The following ASNS variants were observed in gnomAD, a reference collection of about 807,000 sequenced individuals.
The protein encoded by ASNS is asparagine synthetase (glutamine-hydrolyzing).
Under a neutral mutation model 62.6 loss-of-function variants are expected in ASNS, and 37 were observed. The observed-to-expected ratio is 0.59, with a 90% CI of 0.45 to 0.78. The LOEUF is 0.78. Among genes scored for constraint, ASNS ranks in the 30% least tolerant of loss-of-function variants. The pLI, the probability that ASNS is intolerant of heterozygous loss-of-function variation, is 0.00. For missense variants in ASNS, 520 were observed against 682.4 expected, an observed-to-expected ratio of 0.76 and a Z score of 2.65; for synonymous variants, 207 against 237.9, an observed-to-expected ratio of 0.87 and a Z score of 1.19.
chr7:97,856,861 C>A lies in ASNS; in HGVS notation c.904-45G>T. 2.0e-6 allele frequency: 3 copies of A among 1,525,808 alleles called. No individual in the cohort carries two copies. In the South Asian group the frequency reaches 3.6e-5, roughly 18 times the overall value. The allele number at this position is 1,525,808 out of a possible 1,614,324, so 94.5% of individuals were successfully genotyped here. A position where few individuals can be genotyped will look rare whatever the true frequency, so the allele number is the denominator to read the frequency against. On this transcript the variant is annotated intron_variant, in intron 7 of 12. Transcript: ENST00000394308. ...CCCATTTACTTGTTAAAGAAAATAA[C>A]TTCCCTTGAAAATCAAACATGATGG...
the ASNS span, among the ~76,000 whole-genome samples, chr7:97,926,740 C>T: frequency 7.2e-5 from 11 of 152,192 alleles, no homozygotes. Flanking sequence ...CTGTTCAGTT[C>T]CTCCATCATC....
At chr7:97,870,130 A>G (rs1038059037) in intron 1 of ASNS, 5 of 539,200 alleles carry the variant, frequency 9.3e-6, no homozygotes, top group African/African-American at 5.9e-5. Context: ...GGGCTGTTTT[A>G]TTTGGCTGCT....
intron 4 of ASNS, among the ~76,000 whole-genome samples, chr7:97,861,786 AAATCATGATC>A (rs1791732296): frequency 1.3e-5 from 2 of 152,346 alleles, no homozygotes; most frequent in African/African-American, 4.8e-5. Flanking sequence ...TTAAGCCTTC[AAATCATGATC>A]ATGGGATACT....
At chr7:97,894,281 A>G in the ASNS span, among the ~76,000 whole-genome samples, 6 of 152,080 alleles carry the variant, frequency 3.9e-5, no homozygotes, top group South Asian at 1.2e-3. Context: ...AAGATTTCAA[A>G]TAAACGACCT....
the ASNS span, among the ~76,000 whole-genome samples, chr7:97,906,199 G>A: frequency 1.8e-4 from 27 of 151,876 alleles, no homozygotes; most frequent in Non-Finnish European, 3.1e-4. Context: ...CAATTTTCTC[G>A]GCTAGAATAA....
the ASNS span, chr7:97,898,402 C>T: frequency 2.3e-5 from 12 of 517,040 alleles, no homozygotes; most frequent in Non-Finnish European, 3.6e-5. Context: ...GCATGTGTCT[C>T]GTCCCTAGTG....
At chr7:97,907,889 A>T in the ASNS span, among the ~76,000 whole-genome samples, 1 of 152,224 alleles carries the variant, frequency 6.6e-6, no homozygotes, top group African/African-American at 2.4e-5. Context: ...AATAGGCAAA[A>T]GACACTATCA....
At chr7:97,872,850 C>A (rs1162693323), upstream of ASNS, among the ~76,000 whole-genome samples, 1 of 152,200 alleles carries the variant, frequency 6.6e-6, no homozygotes, top group Non-Finnish European at 1.5e-5. Context: ...CCTGTAATCC[C>A]AACACTTTGG....
chr7:97,853,121 T>C lies in ASNS; in HGVS notation c.1415A>G (p.Asp472Gly), dbSNP rs1791266492. ...GGAATTCTTAACTGAAGTTATTCCATCACTGAAGGCTTCTTTTGGTCGCCA... is the reference window on the plus strand; with the variant it reads ...GGAATTCTTAACTGAAGTTATTCCACCACTGAAGGCTTCTTTTGGTCGCCA... The part of the protein sequence containing the change: ...ILWRPKEAFS[D>G]GITSVKNSWF... The change falls in exon 12 of 13, where the codon GAT (aspartate) becomes GGT (glycine). Residue 472 changes from aspartate to glycine, a missense_variant. Asp to Gly is a moderately conservative substitution (Grantham distance 94). Transcript: ENST00000394308. The C allele has an allele frequency of 3.1e-6, 5 of 1,610,882 alleles. No homozygotes were observed. The highest frequency in any genetic ancestry group is 2.2e-5 in the East Asian group (1 of 44,842).
the ASNS span, among the ~76,000 whole-genome samples, chr7:97,880,684 T>G: frequency 2.0e-5 from 3 of 152,126 alleles, no homozygotes; most frequent in African/African-American, 7.2e-5. Context: ...AAGACTGCAT[T>G]GTAAAAATTA....
chr7:97,855,167 T>C lies in ASNS; in HGVS notation c.1137+186A>G, dbSNP rs118190489. 46 of 532,608 alleles carry C rather than the reference T, an allele frequency of 8.6e-5. 1 individual carries two copies. In the East Asian group the frequency reaches 1.4e-3, roughly 16 times the overall value. 33.0% of individuals were successfully genotyped at this position (532,608 alleles called of 1,614,324 possible). On this transcript the variant is annotated intron_variant, in intron 9 of 12. Transcript: ENST00000394308. The stretch of plus-strand genomic sequence containing the variant: ...TGTAACTAGTTTTAAAGAATAAAAA[T>C]TATCTGACACATTAAAATTTCTTTC...
chr7:97,915,678 C>T, the ASNS span, among the ~76,000 whole-genome samples: 3 of 151,870 alleles, frequency 2.0e-5, no homozygotes, highest in South Asian at 2.1e-4. Flanking sequence ...CAGATGAGAC[C>T]GTGACCAGGT....
chr7:97,889,930 A>AAAAAAAAAAAAAAAAAAAAAAAAC, the ASNS span, among the ~76,000 whole-genome samples: 1 of 125,834 alleles, frequency 7.9e-6, no homozygotes, highest in Non-Finnish European at 1.8e-5. Context: ...ATGAATACAA[A>AAAAAAAAAAAAAAAAAAAAAAAAC]AAAAAAAAAA....
chr7:97,913,135 C>T, the ASNS span: 1 of 152,098 alleles, frequency 6.6e-6, no homozygotes, highest in African/African-American at 2.4e-5. Flanking sequence ...CATGTGAGGA[C>T]AGGTGAAGGT....
Position 97,851,884 on chromosome 7 carries a change from A to G in ASNS, c.*375T>C. On this transcript the variant is annotated 3_prime_UTR_variant, in exon 13 of 13. Coordinates refer to ENST00000394308, the MANE Select transcript of ASNS (RefSeq NM_001673.5). ...GGCAGCTGTTAGGAATGTAGGCAGAACAAAAATAGTGTAGTCCTTTGATGA... is the reference window on the plus strand; with the variant it reads ...GGCAGCTGTTAGGAATGTAGGCAGAGCAAAAATAGTGTAGTCCTTTGATGA... 1 of 227,868 alleles carries G rather than the reference A, an allele frequency of 4.4e-6. No homozygotes were observed. The highest frequency in any genetic ancestry group is 7.1e-5 in the South Asian group (1 of 14,004). 14.1% of individuals were successfully genotyped at this position (227,868 alleles called of 1,614,324 possible). A position where few individuals can be genotyped will look rare whatever the true frequency, so the allele number is the denominator to read the frequency against.
the ASNS span, among the ~76,000 whole-genome samples, chr7:97,882,593 C>G: frequency 0.054 from 8,022 of 148,626 alleles, 743 homozygotes; most frequent in African/African-American, 0.19. Context: ...GAACACCAAA[C>G]TAGAATCACT....
intron 7 of ASNS, among the ~76,000 whole-genome samples, chr7:97,858,075 A>G (rs1465182100): frequency 6.6e-6 from 1 of 152,210 alleles, no homozygotes; most frequent in Non-Finnish European, 1.5e-5. Flanking sequence ...TGCATGGGTC[A>G]TAACAGATAA....
chr7:97,925,132 A>G, the ASNS span, among the ~76,000 whole-genome samples: 17 of 151,450 alleles, frequency 1.1e-4, no homozygotes, highest in African/African-American at 3.4e-4. Context: ...GTAAGACTCC[A>G]TCTTTAAAAA....
the ASNS span, among the ~76,000 whole-genome samples, chr7:97,921,170 C>T: frequency 1.3e-5 from 2 of 152,246 alleles, no homozygotes; most frequent in Non-Finnish European, 2.9e-5. Flanking sequence ...AATTGGGACT[C>T]ACCTGCTGCA....
Sources: allele counts gnomAD v4.1 joint callset (sites outside exome capture counted in the v4.1 genomes callset), GRCh38; gene constraint gnomAD v4.1.1; transcripts MANE v1.5; gene names NCBI Gene and HGNC (gene_info 2026-07-23, HGNC 2026-07-21).